Variants in DOCK5 observed in about 807,000 individuals in gnomAD.
DOCK5 encodes the protein dedicator of cytokinesis 5.
DOCK5 carries 142 observed loss-of-function variants against 251.8 expected under a neutral mutation model. The observed-to-expected ratio is 0.56, with a 90% CI of 0.49 to 0.65. The LOEUF (loss-of-function observed/expected upper bound fraction) is 0.65. Ranked by LOEUF, DOCK5 falls within the 30% of genes least tolerant of loss-of-function variation. The pLI is 0.00. For missense variants in DOCK5, 2,111 were observed against 2,312.3 expected, an observed-to-expected ratio of 0.91 and a Z score of 1.79; for synonymous variants, 842 against 835.5, an observed-to-expected ratio of 1.01 and a Z score of -0.13.
At chr8:25,337,147 A>G (rs1422265139) in intron 22 of DOCK5, among the ~76,000 whole-genome samples, 8 of 152,330 alleles carry the variant, frequency 5.3e-5, no homozygotes, top group African/African-American at 1.9e-4. Context: ...ATGGAAAACA[A>G]AAACAGGTAA....
intron 19 of DOCK5, 78 bp from the exon 20 acceptor site, chr8:25,332,525 A>C: frequency 2.1e-5 from 28 of 1,316,140 alleles, no homozygotes; most frequent in Non-Finnish European, 2.6e-5. Flanking sequence ...TTTGATTTAA[A>C]CTAGTTGTAC....
chr8:25,353,971 T>G (rs1164869383), intron 27 of DOCK5, among the ~76,000 whole-genome samples: 2 of 135,932 alleles, frequency 1.5e-5, no homozygotes, highest in African/African-American at 5.7e-5. Flanking sequence ...GAGGTTGCAA[T>G]GAGCCAAGGT....
chr8:25,349,959 C>A (rs1330309090), intron 26 of DOCK5, among the ~76,000 whole-genome samples: 1 of 152,196 alleles, frequency 6.6e-6, no homozygotes, highest in Non-Finnish European at 1.5e-5. Flanking sequence ...CCTACCTGAT[C>A]TGACTTCTAT....
chr8:25,404,286 G>A (rs1801487768), intron 48 of DOCK5, among the ~76,000 whole-genome samples: 1 of 151,980 alleles, frequency 6.6e-6, no homozygotes, highest in African/African-American at 2.4e-5. Flanking sequence ...ATTATATCTT[G>A]AAACTCTTTC....
chr8:25,311,165 T>A (rs1195853134), intron 13 of DOCK5, among the ~76,000 whole-genome samples: 1 of 152,174 alleles, frequency 6.6e-6, no homozygotes, highest in African/African-American at 2.4e-5. Flanking sequence ...AATTTTAATC[T>A]CCATACTAAG....
chr8:25,400,654 A>G (rs1490055325), intron 46 of DOCK5, among the ~76,000 whole-genome samples: 3 of 152,048 alleles, frequency 2.0e-5, no homozygotes, highest in Non-Finnish European at 4.4e-5. Flanking sequence ...TCAGTTGCTC[A>G]TCCACGGAAG....
Position 25,415,458 on chromosome 8 carries a change from A to T in DOCK5, c.*4160A>T, listed in dbSNP as rs1801691570. On this transcript the variant is annotated 3_prime_UTR_variant, in exon 52 of 52. Transcript: ENST00000276440. ...CCATCAATTCTAATCTACAAAAGGA[A>T]ATTCATGATTTCACTCTGACGCCTA... is the stretch of plus-strand genomic sequence containing the variant. 6.6e-6 allele frequency: 1 copy of T among 152,156 alleles called. No individual in the cohort carries two copies. Among genetic ancestry groups the T allele is most frequent in the South Asian group, 2.1e-4 (1 of 4,834 alleles). 9.4% of individuals were successfully genotyped at this position (152,156 alleles called of 1,614,324 possible).
chr8:25,197,612 T>C (rs575106204), intron 1 of DOCK5, among the ~76,000 whole-genome samples: 1 of 124,138 alleles, frequency 8.1e-6, no homozygotes, highest in South Asian at 2.6e-4. Context: ...TGAGAAGGAG[T>C]CTCGCTCTGT....
chr8:25,254,773 C>CAAAAAAAAAAAAAAAAAAAAAA lies in DOCK5; in HGVS notation c.127+11025_127+11026insAAAAAAAAAAAAAAAAAAAAAA, dbSNP rs745860086. Reference sequence around the variant, plus strand: ...CTGGCGACAAAGCAAGACTTTGTCTCAAAAAAAAACAAAACAAAACAAAAA... The same window carrying CAAAAAAAAAAAAAAAAAAAAAA: ...CTGGCGACAAAGCAAGACTTTGTCTCAAAAAAAAAAAAAAAAAAAAAAAAAAAAAAACAAAACAAAACAAAAA... On this transcript the variant is annotated intron_variant, in intron 2 of 51. Coordinates refer to ENST00000276440, the MANE Select transcript of DOCK5 (RefSeq NM_024940.8). 3.0e-4 allele frequency among the ~76,000 whole-genome samples: 2 copies of CAAAAAAAAAAAAAAAAAAAAAA among 6,560 alleles called. 1 individual carries two copies. The highest frequency in any genetic ancestry group is 5.7e-4 in the Non-Finnish European group (2 of 3,534). The allele number at this position is 6,560 out of a possible 152,430, so 4.3% of individuals were successfully genotyped here. A position where few individuals can be genotyped will look rare whatever the true frequency, so the allele number is the denominator to read the frequency against.
intron 6 of DOCK5, among the ~76,000 whole-genome samples, chr8:25,293,133 G>A (rs533882049): frequency 1.5e-4 from 23 of 152,246 alleles, no homozygotes; most frequent in African/African-American, 5.1e-4. Context: ...TTTTTAAAAG[G>A]CAAAAGTGGT....
intron 1 of DOCK5, among the ~76,000 whole-genome samples, chr8:25,208,899 G>T (rs1802065859): frequency 2.0e-5 from 3 of 152,054 alleles, no homozygotes; most frequent in South Asian, 4.1e-4. Flanking sequence ...CCTCCCAAAT[G>T]ACTTGTGAAT....
chr8:25,260,800 T>TTTC (rs1803556764), intron 2 of DOCK5, among the ~76,000 whole-genome samples: 3 of 146,852 alleles, frequency 2.0e-5, no homozygotes, highest in Non-Finnish European at 3.0e-5. Context: ...TTCTTTCTTT[T>TTTC]TTTTTTTTTT....
intron 5 of DOCK5, among the ~76,000 whole-genome samples, chr8:25,291,485 C>A (rs1304805988): frequency 3.3e-5 from 5 of 149,584 alleles, no homozygotes; most frequent in African/African-American, 1.2e-4. Flanking sequence ...GAGTTCGAGA[C>A]CAGCCTGGCC....
At chr8:25,313,073 G>C (rs146816105) in intron 13 of DOCK5, among the ~76,000 whole-genome samples, 75 of 152,276 alleles carry the variant, frequency 4.9e-4, no homozygotes, top group African/African-American at 1.7e-3. Flanking sequence ...AGGTGATCTG[G>C]TGGTGAGTCA....
At chr8:25,378,795 G>A (rs537973712) in intron 38 of DOCK5, among the ~76,000 whole-genome samples, 66 of 152,242 alleles carry the variant, frequency 4.3e-4, no homozygotes, top group African/African-American at 8.7e-4. Context: ...CCACACTATC[G>A]GGGAAACCCA....
At chr8:25,353,983 A>G (rs1800516548) in intron 27 of DOCK5, among the ~76,000 whole-genome samples, 1 of 140,246 alleles carries the variant, frequency 7.1e-6, no homozygotes, top group Non-Finnish European at 1.5e-5. Flanking sequence ...AGCCAAGGTC[A>G]CGCCACTGCA....
intron 1 of DOCK5, among the ~76,000 whole-genome samples, chr8:25,188,737 C>T (rs1467669396): frequency 6.6e-6 from 1 of 152,168 alleles, no homozygotes; most frequent in East Asian, 1.9e-4. Flanking sequence ...ACTTATGGTG[C>T]TCTAGTACCC....
intron 1 of DOCK5, among the ~76,000 whole-genome samples, chr8:25,223,889 T>G (rs1802453527): frequency 6.6e-6 from 1 of 152,214 alleles, no homozygotes; most frequent in Non-Finnish European, 1.5e-5. Context: ...AAACTGAGGC[T>G]CATCATAACA....
In DOCK5 at chr8:25,413,404, AAGAACTCAAGAGGATTTTAAATGGAG is replaced by A; in HGVS notation, c.*2117_*2142del. ...ATTTATGACTAGAGACAAACTTAAT[AAGAACTCAAGAGGATTTTAAATGGAG>A]AGAACTCAAGCTGTAGAGAAAGGAG... On this transcript the variant is annotated 3_prime_UTR_variant, in exon 52 of 52. Transcript: ENST00000276440. 1.3e-5 allele frequency: 2 copies of A among 152,046 alleles called. No individual in the cohort carries two copies. Among genetic ancestry groups the A allele is most frequent in the East Asian group, 3.9e-4 (2 of 5,156 alleles). 9.4% of individuals were successfully genotyped at this position (152,046 alleles called of 1,614,324 possible).
Sources: allele counts gnomAD v4.1 joint callset (sites outside exome capture counted in the v4.1 genomes callset), GRCh38; gene constraint gnomAD v4.1.1; transcripts MANE v1.5; gene names NCBI Gene and HGNC (gene_info 2026-07-23, HGNC 2026-07-21).